Variants in SYT1 observed in about 807,000 individuals in gnomAD.
SYT1 encodes synaptotagmin 1, also known as synaptotagmin-1.
In SYT1, 8 loss-of-function variants were observed where a neutral mutation model predicts 44.8. That is an observed-to-expected ratio of 0.18 (90% CI 0.10 to 0.32). SYT1 has a LOEUF of 0.32. Among genes scored for constraint, SYT1 ranks in the 10% least tolerant of loss-of-function variants. The pLI is 1.00. For synonymous variants in SYT1, 154 were observed against 188.8 expected (o/e 0.82, Z 1.51); for missense variants, 286 against 509.3 (o/e 0.56, Z 4.22).
chr12:79,320,964 A>G (rs1881333242), intron 8 of SYT1, among the ~76,000 whole-genome samples: 1 of 151,932 alleles, frequency 6.6e-6, no homozygotes, highest in African/African-American at 2.4e-5. Context: ...CACCACTGCA[A>G]ACCCCCAAAC....
At chr12:78,938,406 C>A (rs1232552611) in intron 1 of SYT1, among the ~76,000 whole-genome samples, 1 of 152,114 alleles carries the variant, frequency 6.6e-6, no homozygotes, top group Non-Finnish European at 1.5e-5. Context: ...GATAAGGAAA[C>A]CTTGTCATAA....
intron 4 of SYT1, among the ~76,000 whole-genome samples, chr12:79,269,090 CTT>C (rs75011106): frequency 0.29 from 42,116 of 143,888 alleles, 6,219 homozygotes; most frequent in East Asian, 0.58. Flanking sequence ...TTGCCCTTCT[CTT>C]TTTTTTTTTT....
chr12:79,446,514 T>G (rs1870744620), intron 10 of SYT1, among the ~76,000 whole-genome samples: 4 of 152,174 alleles, frequency 2.6e-5, no homozygotes, highest in Admixed American at 2.6e-4. Flanking sequence ...TGTATTTAAA[T>G]TTAAATTGAT....
chr12:79,427,786 T>G (rs1869535322), intron 9 of SYT1, among the ~76,000 whole-genome samples: 1 of 151,740 alleles, frequency 6.6e-6, no homozygotes, highest in Non-Finnish European at 1.5e-5. Flanking sequence ...GAGGCTGGAG[T>G]GGAGGCAGCA....
At chr12:79,365,536 C>T (rs1330672883) in intron 9 of SYT1, among the ~76,000 whole-genome samples, 1 of 151,988 alleles carries the variant, frequency 6.6e-6, no homozygotes, top group Non-Finnish European at 1.5e-5. Flanking sequence ...GAAAAGAAAG[C>T]TTTGCCTCAC....
At chr12:79,287,873 CAAAG>C (rs1203853230) in intron 5 of SYT1, among the ~76,000 whole-genome samples, 1 of 151,960 alleles carries the variant, frequency 6.6e-6, no homozygotes, top group African/African-American at 2.4e-5. Flanking sequence ...ATGATTCAAA[CAAAG>C]AAATATTAAG....
chr12:79,047,254 A>G (rs1874139171), intron 2 of SYT1, 43 bp from the exon 3 acceptor site: 1 of 151,722 alleles, frequency 6.6e-6, no homozygotes, highest in Non-Finnish European at 1.5e-5. Flanking sequence ...ATTCTGAACT[A>G]TGTGTAGTCA....
At chr12:79,396,615 GTT>G (rs1427192515) in intron 9 of SYT1, among the ~76,000 whole-genome samples, 2 of 152,144 alleles carry the variant, frequency 1.3e-5, no homozygotes, top group Non-Finnish European at 2.9e-5. Context: ...AAGAATGGAA[GTT>G]TTATAAATTC....
chr12:79,183,274 G>A (rs1463647256), intron 3 of SYT1, among the ~76,000 whole-genome samples: 3 of 151,922 alleles, frequency 2.0e-5, no homozygotes, highest in African/African-American at 7.2e-5. Context: ...GTGCTGCATA[G>A]GATGTACCAG....
intron 9 of SYT1, among the ~76,000 whole-genome samples, chr12:79,425,987 A>G (rs548726163): frequency 6.6e-6 from 1 of 152,192 alleles, no homozygotes; most frequent in East Asian, 1.9e-4. Context: ...CAATTATTCA[A>G]TAAAGATTGT....
At chr12:79,363,391 T>C (rs1300224488) in intron 9 of SYT1, among the ~76,000 whole-genome samples, 1 of 151,960 alleles carries the variant, frequency 6.6e-6, no homozygotes, top group African/African-American at 2.4e-5. Flanking sequence ...AACACTATAA[T>C]AATGCTCAGA....
Position 78,941,055 on chromosome 12 carries a change from CTTTTT to C in SYT1, c.-216-36739_-216-36735del, listed in dbSNP as rs1384559478. Among the ~76,000 whole-genome samples, 3 of 86,020 alleles carry C rather than the reference CTTTTT, an allele frequency of 3.5e-5. No individual in the cohort carries two copies. In the South Asian group the frequency reaches 1.6e-3, roughly 46 times the overall value. 56.4% of individuals were successfully genotyped at this position (86,020 alleles called of 152,430 possible). A position where few individuals can be genotyped will look rare whatever the true frequency, so the allele number is the denominator to read the frequency against. On this transcript the variant is annotated intron_variant, in intron 1 of 10. Coordinates refer to ENST00000261205, the MANE Select transcript of SYT1 (RefSeq NM_005639.3). The stretch of plus-strand genomic sequence containing the variant: ...TTTTTCTTTTCTTTACTTTTTTTTT[CTTTTT>C]TTTTCTTTTTTTTTTTTTTTTTTGA...
intron 3 of SYT1, among the ~76,000 whole-genome samples, chr12:79,133,228 C>G (rs1868965985): frequency 6.6e-6 from 1 of 151,886 alleles, no homozygotes; most frequent in Non-Finnish European, 1.5e-5. Flanking sequence ...TTCAAAATTG[C>G]TAGAAGAGGG....
At position 79,444,063 on chromosome 12, in the gene SYT1, T is replaced by G; in HGVS notation, c.929-10T>G. ...GATCTCCTAAAGTTTGTTTCCTGTT[T>G]TTCATTCAGATCCTTATGTGAAGAT... On this transcript the variant is annotated splice_polypyrimidine_tract_variant and intron_variant, in intron 9 of 10. Coordinates refer to ENST00000261205, the MANE Select transcript of SYT1 (RefSeq NM_005639.3). The G allele has an allele frequency of 1.2e-6, 2 of 1,612,406 alleles. No homozygotes were observed. Among genetic ancestry groups the G allele is most frequent in the Non-Finnish European group, 1.7e-6 (2 of 1,179,308 alleles).
chr12:79,056,064 GC>G (rs1874912990), intron 3 of SYT1, among the ~76,000 whole-genome samples: 1 of 151,974 alleles, frequency 6.6e-6, no homozygotes, highest in East Asian at 1.9e-4. Context: ...AGAACAAAAG[GC>G]TAAACCATAC....
chr12:79,028,732 T>A (rs1197315684), intron 2 of SYT1, among the ~76,000 whole-genome samples: 1 of 151,384 alleles, frequency 6.6e-6, no homozygotes, highest in Non-Finnish European at 1.5e-5. Flanking sequence ...GGATGTGGTA[T>A]TGGGAAGGAA....
chr12:79,084,798 A>G (rs1877270235), intron 3 of SYT1, among the ~76,000 whole-genome samples: 1 of 152,146 alleles, frequency 6.6e-6, no homozygotes, highest in African/African-American at 2.4e-5. Flanking sequence ...TTTGATGTGT[A>G]TTATAGAATT....
At chr12:79,287,734 C>A (rs1316025217) in intron 5 of SYT1, among the ~76,000 whole-genome samples, 1 of 152,036 alleles carries the variant, frequency 6.6e-6, no homozygotes, top group Non-Finnish European at 1.5e-5. Flanking sequence ...TTATAATTTA[C>A]AGCATAGTGG....
intron 3 of SYT1, among the ~76,000 whole-genome samples, chr12:79,166,711 T>C (rs1404015624): frequency 1.3e-5 from 2 of 151,960 alleles, no homozygotes; most frequent in Non-Finnish European, 2.9e-5. Flanking sequence ...CCCTGGGTCT[T>C]GTGAGGATCA....
Sources: allele counts gnomAD v4.1 joint callset (sites outside exome capture counted in the v4.1 genomes callset), GRCh38; gene constraint gnomAD v4.1.1; transcripts MANE v1.5; gene names NCBI Gene and HGNC (gene_info 2026-07-23, HGNC 2026-07-21).